The following CLASP2 variants were observed in gnomAD, a reference collection of about 807,000 sequenced individuals.
CLASP2 encodes the protein cytoplasmic linker associated protein 2.
Under a neutral mutation model 194.4 loss-of-function variants are expected in CLASP2, and 47 were observed. The ratio of observed to expected loss-of-function variants is 0.24; its 90% CI spans 0.19 to 0.31. The LOEUF is 0.31. Among genes scored for constraint, CLASP2 ranks in the 10% least tolerant of loss-of-function variants. The pLI is 1.00. For missense variants in CLASP2, 1,445 were observed against 1,823.6 expected (o/e 0.79, Z 3.78); for synonymous variants, 619 against 633.5 (o/e 0.98, Z 0.34).
At chr3:33,679,104 C>A (rs987284598) in intron 6 of CLASP2, among the ~76,000 whole-genome samples, 7 of 152,076 alleles carry the variant, frequency 4.6e-5, no homozygotes. Flanking sequence ...TAAAAGTGAT[C>A]TTTGGAAAAG....
At chr3:33,687,030 G>C in intron 5 of CLASP2, 30 bp downstream of exon 5, 1 of 1,308,140 alleles carries the variant, frequency 7.6e-7, no homozygotes, top group Non-Finnish European at 1.1e-6. Context: ...CAAAAAATCA[G>C]TCAATGCTTG....
At chr3:33,682,656 TTC>T (rs2090026769) in intron 6 of CLASP2, among the ~76,000 whole-genome samples, 1 of 152,228 alleles carries the variant, frequency 6.6e-6, no homozygotes, top group African/African-American at 2.4e-5. Context: ...GAAAAATATT[TTC>T]TGATACACTA....
chr3:33,631,979 T>A (rs2079176447), intron 9 of CLASP2, among the ~76,000 whole-genome samples: 1 of 152,208 alleles, frequency 6.6e-6, no homozygotes, highest in Non-Finnish European at 1.5e-5. Flanking sequence ...TTCAATTATA[T>A]CTATATGAAT....
chr3:33,544,874 A>ATT, intron 30 of CLASP2, 33 bp from the exon 31 acceptor site: 1 of 1,531,470 alleles, frequency 6.5e-7, no homozygotes, highest in Non-Finnish European at 8.8e-7. Flanking sequence ...AGATGAATAT[A>ATT]TTTTTGTTAC....
chr3:33,584,823 T>C lies in CLASP2; in HGVS notation c.2166A>G (p.Ser722=), dbSNP rs745512464. ...GVQRVLVNSA[S]AQKRSKIPRS... ...GTGGTATCTTGCTTCTTTTTTGTGC[T>C]GAGGCTGAATTGACCAGGACTCTTT... The change falls in exon 22 of 39, where the codon TCA becomes TCG. Residue 722 remains serine (S), a synonymous_variant. Coordinates refer to ENST00000682230, the MANE Select transcript of CLASP2 (RefSeq NM_001365631.1). The C allele has an allele frequency of 2.5e-6, 4 of 1,613,848 alleles. No homozygotes were observed. In the South Asian group the frequency reaches 4.4e-5, roughly 18 times the overall value.
At position 33,718,090 on chromosome 3, in the gene CLASP2, G is replaced by A; in HGVS notation, c.-88C>T. 7.3e-7 allele frequency: 1 copy of A among 1,369,480 alleles called. No homozygotes were observed. Among genetic ancestry groups the A allele is most frequent in the Non-Finnish European group, 9.5e-7 (1 of 1,053,360 alleles). The allele number at this position is 1,369,480 out of a possible 1,614,324, so 84.8% of individuals were successfully genotyped here. ...GCCTCCAGTGCGGGTCCCCGCGGGA[G>A]CGGGCGGGACTCACTTAGCCCGCCA... On this transcript the variant is annotated 5_prime_UTR_variant, in exon 1 of 39. Coordinates refer to ENST00000682230, the MANE Select transcript of CLASP2 (RefSeq NM_001365631.1).
chr3:33,659,074 G>A (rs569058403), intron 7 of CLASP2: 12 of 1,521,626 alleles, frequency 7.9e-6, no homozygotes, highest in Middle Eastern at 1.7e-4. Context: ...CACTGGGCTC[G>A]GCCTGCAGCC....
chr3:33,536,108 G>A (rs1248899568), intron 33 of CLASP2, among the ~76,000 whole-genome samples: 1 of 152,052 alleles, frequency 6.6e-6, no homozygotes, highest in East Asian at 1.9e-4. Flanking sequence ...CAAGCCATTT[G>A]CTAGGCACTT....
chr3:33,641,011 T>G (rs978217306), intron 8 of CLASP2, among the ~76,000 whole-genome samples: 1 of 152,048 alleles, frequency 6.6e-6, no homozygotes, highest in Non-Finnish European at 1.5e-5. Flanking sequence ...GATGGCAGTA[T>G]AGCAAAGTGA....
chr3:33,615,396 A>G (rs1453839166), intron 12 of CLASP2, among the ~76,000 whole-genome samples: 1 of 151,168 alleles, frequency 6.6e-6, no homozygotes, highest in Non-Finnish European at 1.5e-5. Context: ...AAAAAAGGAA[A>G]GAAAAGCAGC....
chr3:33,574,443 T>A, intron 24 of CLASP2: 1 of 1,405,600 alleles, frequency 7.1e-7, no homozygotes, highest in Non-Finnish European at 9.5e-7. Context: ...TATGGTATCA[T>A]AAGATGTCAG....
chr3:33,615,478 A>G (rs1033471959), intron 12 of CLASP2, among the ~76,000 whole-genome samples: 2 of 151,760 alleles, frequency 1.3e-5, no homozygotes. Flanking sequence ...AACCTTGACC[A>G]TACATAAAGT....
chr3:33,544,817 A>G lies in CLASP2; in HGVS notation c.3178T>C (p.Leu1060=), dbSNP rs776320471. ...RKAAQSVLIS[L]FELNTPEFTM... is the part of the protein sequence containing the mutation. ...AACTCTGGGGTATTGAGTTCAAATA[A>G]TGAAATCAGCACTGACTGTGCTGCC... The change falls in exon 31 of 39, where the codon TTA becomes CTA. Residue 1060 remains leucine, a synonymous_variant. Transcript: ENST00000682230. 5.0e-6 allele frequency: 8 copies of G among 1,612,284 alleles called. No individual in the cohort carries two copies. Among genetic ancestry groups the G allele is most frequent in the Non-Finnish European group, 6.8e-6 (8 of 1,179,188 alleles).
At chr3:33,577,100 TAAAA>T in intron 23 of CLASP2, 1 of 924,708 alleles carries the variant, frequency 1.1e-6, no homozygotes, top group Non-Finnish European at 1.6e-6. Context: ...ATTTAAATAA[TAAAA>T]AATCAATTTT....
chr3:33,684,206 T>C (rs1559632016), intron 6 of CLASP2, among the ~76,000 whole-genome samples, 153 bp downstream of exon 6: 4 of 150,178 alleles, frequency 2.7e-5, no homozygotes, highest in Admixed American at 2.0e-4. Context: ...GATCGCGCCA[T>C]TGCACTCCAG....
At chr3:33,696,791 A>G (rs1163230488) in intron 2 of CLASP2, 64 bp downstream of exon 2, 1 of 1,086,276 alleles carries the variant, frequency 9.2e-7, no homozygotes, top group Non-Finnish European at 1.4e-6. Flanking sequence ...CTAAATAAAA[A>G]CTAACGAAAA....
chr3:33,522,461 A>G (rs1430209673), intron 34 of CLASP2, among the ~76,000 whole-genome samples: 1 of 152,232 alleles, frequency 6.6e-6, no homozygotes, highest in African/African-American at 2.4e-5. Context: ...CTGATTTCCA[A>G]TGTAACCACA....
intron 7 of CLASP2, among the ~76,000 whole-genome samples, chr3:33,661,568 T>C (rs1455727416): frequency 6.6e-6 from 1 of 152,236 alleles, no homozygotes; most frequent in African/African-American, 2.4e-5. Context: ...CTGATGATGG[T>C]GCCACTGACT....
rs541404063 is a variant in CLASP2 at position 33,683,929 on chromosome 3, C to T, written c.644+430G>A. On this transcript the variant is annotated intron_variant, in intron 6 of 38. Transcript: ENST00000682230. ...CACTCCAGCCTGAGCAAGACTCTGT[C>T]TCAAAAAAAAAAAAAAAAAAAAAAT... Among the ~76,000 whole-genome samples the T allele has an allele frequency of 9.9e-5, 9 of 91,302 alleles. No homozygotes were observed. The South Asian group carries it at 2.9e-3, about 30-fold the overall frequency. 59.9% of individuals were successfully genotyped at this position (91,302 alleles called of 152,430 possible).
Sources: allele counts gnomAD v4.1 joint callset (sites outside exome capture counted in the v4.1 genomes callset), GRCh38; gene constraint gnomAD v4.1.1; transcripts MANE v1.5; gene names NCBI Gene and HGNC (gene_info 2026-07-23, HGNC 2026-07-21).